DOCK1: variants seen among roughly 807,000 people sequenced by gnomAD.
DOCK1 encodes dedicator of cytokinesis 1, also known as dedicator of cytokinesis protein 1.
In DOCK1, 138 loss-of-function variants were observed where a neutral mutation model predicts 262.7. The ratio of observed to expected loss-of-function variants is 0.53; its 90% confidence interval spans 0.46 to 0.61. The LOEUF is 0.61. DOCK1 is among the 20% of genes least tolerant of loss of function. DOCK1 has a pLI of 0.00. For synonymous variants in DOCK1, 866 were observed against 867.4 expected, an observed-to-expected ratio of 1.00 and a Z score of 0.03; for missense variants, 1,908 against 2,370.7, an observed-to-expected ratio of 0.80 and a Z score of 4.05.
rs893004232 is a variant in DOCK1, at chr10:127,437,212, T to C, written c.5061-1815T>C. Among the ~76,000 whole-genome samples the C allele has an allele frequency of 1.3e-5, 2 of 152,192 alleles. No homozygotes were observed. Among genetic ancestry groups the C allele is most frequent in the African/African-American group, 2.4e-5 (1 of 41,442 alleles). On this transcript the variant is annotated intron_variant, in intron 48 of 51. Transcript: ENST00000623213. The surrounding 1 kb of genome is among the most constrained non-coding windows in gnomAD (Gnocchi z 4.4). ...CTCTTATGGAGATGTTAACAGCTAT[T>C]GATAATCAGTGCTTAGATTCAATAC... is the stretch of plus-strand genomic sequence containing the variant.
chr10:127,198,312 A>G (rs2489379), intron 27 of DOCK1, among the ~76,000 whole-genome samples: 124,873 of 152,226 alleles, frequency 0.82, 51,642 homozygotes, highest in South Asian at 0.92. Flanking sequence ...GGTCTGGGGA[A>G]CTTCTGTAAA....
At chr10:127,426,071 A>G (rs1273835819) in intron 47 of DOCK1, 60 bp downstream of exon 47, 1 of 1,606,626 alleles carries the variant, frequency 6.2e-7, no homozygotes, top group Non-Finnish European at 8.5e-7. Flanking sequence ...CCCACTGTTG[A>G]ACAGGGACAA....
At chr10:126,917,393 A>AG (rs2032627320) in intron 1 of DOCK1, among the ~76,000 whole-genome samples, 2 of 152,120 alleles carry the variant, frequency 1.3e-5, no homozygotes, top group Non-Finnish European at 2.9e-5. Flanking sequence ...AGGGCCTGTC[A>AG]TTCATTCTGG....
chr10:126,929,844 TAAC>T (rs1278532333), intron 1 of DOCK1, among the ~76,000 whole-genome samples: 3 of 152,334 alleles, frequency 2.0e-5, no homozygotes, highest in East Asian at 3.9e-4. Context: ...AGCTAACCGT[TAAC>T]AAGAACAATT....
intron 29 of DOCK1, among the ~76,000 whole-genome samples, chr10:127,292,718 T>TTATTTAACACAAATA (rs1457846520): frequency 2.0e-5 from 3 of 152,262 alleles, no homozygotes; most frequent in African/African-American, 7.2e-5. Context: ...GCTTGTCAGG[T>TTATTTAACACAAATA]ATGCTGTTGA....
At chr10:127,211,681 T>C (rs918703349) in intron 27 of DOCK1, among the ~76,000 whole-genome samples, 1 of 152,232 alleles carries the variant, frequency 6.6e-6, no homozygotes, top group African/African-American at 2.4e-5. Context: ...CAGACAGCAT[T>C]GTTTTTCTAA....
intron 28 of DOCK1, 104 bp downstream of exon 28, chr10:127,248,213 G>A (rs559883424): frequency 2.1e-5 from 21 of 1,021,662 alleles, no homozygotes; most frequent in Admixed American, 1.9e-4. Flanking sequence ...TTTTGCATGA[G>A]AACTTGTCTC....
intron 1 of DOCK1, among the ~76,000 whole-genome samples, chr10:126,960,791 T>TACACAC (rs1176439067): frequency 7.1e-6 from 1 of 140,782 alleles, no homozygotes; most frequent in Non-Finnish European, 1.5e-5. Context: ...TATGTGTATA[T>TACACAC]ACACACACAC....
At position 127,069,098 on chromosome 10, in the gene DOCK1, T is replaced by G. The variant is rs79436759; in HGVS notation, c.2445+7322T>G. ...CGATGAAAGTCATGATCAAGGCGAT[T>G]AGGGCTTGATTCCTGGGTGATGACT... is the stretch of plus-strand genomic sequence containing the variant. On this transcript the variant is annotated intron_variant, in intron 23 of 51. Coordinates refer to ENST00000623213, the MANE Select transcript of DOCK1 (RefSeq NM_001290223.2). 9.5e-3 allele frequency among the ~76,000 whole-genome samples: 1,450 copies of G among 152,326 alleles called. 22 individuals carry two copies. The highest frequency in any genetic ancestry group is 0.033 in the African/African-American group (1,375 of 41,576).
chr10:127,451,070 C>T (rs191842339), intron 51 of DOCK1, among the ~76,000 whole-genome samples: 36 of 152,238 alleles, frequency 2.4e-4, no homozygotes, highest in Non-Finnish European at 3.7e-4. Context: ...AAAAAGGCCA[C>T]GCAAAGGGCA....
chr10:127,322,281 C>T (rs2062568136), intron 29 of DOCK1, among the ~76,000 whole-genome samples: 1 of 148,796 alleles, frequency 6.7e-6, no homozygotes, highest in South Asian at 2.2e-4. Flanking sequence ...CCTCTGTTTC[C>T]AGGGTTCAAG....
intron 12 of DOCK1, among the ~76,000 whole-genome samples, chr10:127,015,348 C>T (rs7923975): frequency 0.047 from 7,180 of 152,130 alleles, 567 homozygotes; most frequent in African/African-American, 0.16. Context: ...CCTGAGCGCC[C>T]CCGCCCCCTC....
chr10:127,110,603 G>A (rs1377371722), intron 25 of DOCK1, among the ~76,000 whole-genome samples: 1 of 152,200 alleles, frequency 6.6e-6, no homozygotes, highest in Non-Finnish European at 1.5e-5. Context: ...AAGTCCTAGG[G>A]TAATCAGCAT....
chr10:127,175,402 C>A lies in DOCK1; in HGVS notation c.2847+47638C>A. On this transcript the variant is annotated intron_variant, in intron 27 of 51. Transcript: ENST00000623213. This position sits in a 1 kb window ranked among gnomAD's most constrained non-coding sequence, Gnocchi z 6.3. The stretch of plus-strand genomic sequence containing the variant: ...ACCGCTGTGGGACTAGGCTGGTTCC[C>A]CAGCCCCGGCGGGGTGTGAGTCTGC... 2 of 1,613,640 alleles carry A rather than the reference C, an allele frequency of 1.2e-6. No individual in the cohort carries two copies. The highest frequency in any genetic ancestry group is 1.7e-6 in the Non-Finnish European group (2 of 1,180,044).
intron 23 of DOCK1, among the ~76,000 whole-genome samples, chr10:127,092,513 C>G (rs779610573): frequency 2.0e-5 from 3 of 152,060 alleles, no homozygotes; most frequent in Non-Finnish European, 4.4e-5. Context: ...CCTTGACATC[C>G]CATGCTGCTC....
At position 127,298,525 on chromosome 10, in the gene DOCK1, C is replaced by A. The variant is rs57257052; in HGVS notation, c.3045-40481C>A. 8.6e-3 allele frequency among the ~76,000 whole-genome samples: 1,306 copies of A among 152,254 alleles called. 35 individuals carry two copies. In the East Asian group the frequency reaches 0.1, roughly 12 times the overall value. ...TTGAGTGAGAAGCAATCGCTTTGACCATTGTCAACCAGAAAGAATTTCCCC... is the reference window on the plus strand; with the variant it reads ...TTGAGTGAGAAGCAATCGCTTTGACAATTGTCAACCAGAAAGAATTTCCCC... On this transcript the variant is annotated intron_variant, in intron 29 of 51. Transcript: ENST00000623213.
At chr10:127,389,679 C>T (rs2066354017) in intron 38 of DOCK1, among the ~76,000 whole-genome samples, 1 of 151,966 alleles carries the variant, frequency 6.6e-6, no homozygotes, top group African/African-American at 2.4e-5. Flanking sequence ...GGTGCTGTGT[C>T]GTGAGAGTGA....
intron 27 of DOCK1, chr10:127,137,978 C>T (rs570177763): frequency 2.0e-5 from 32 of 1,613,202 alleles, no homozygotes; most frequent in African/African-American, 1.6e-4. Context: ...TTCTTAGAAC[C>T]GGCTGGAGTT....
chr10:126,909,183 C>T (rs1189323878), intron 1 of DOCK1, among the ~76,000 whole-genome samples: 1 of 152,130 alleles, frequency 6.6e-6, no homozygotes, highest in African/African-American at 2.4e-5. Context: ...GTTGCTGGCC[C>T]TGAGATGTAG....
Sources: allele counts gnomAD v4.1 joint callset (sites outside exome capture counted in the v4.1 genomes callset), GRCh38; gene constraint gnomAD v4.1.1; non-coding constraint Gnocchi (gnomAD v3.1); transcripts MANE v1.5; gene names NCBI Gene and HGNC (gene_info 2026-07-23, HGNC 2026-07-21).